The following STAU2 variants were observed in gnomAD, a reference collection of about 807,000 sequenced individuals.
STAU2 encodes staufen double-stranded RNA binding protein 2, also known as double-stranded RNA-binding protein Staufen homolog 2.
In STAU2, 20 loss-of-function variants were observed where a neutral mutation model predicts 65.9. That is an observed-to-expected ratio of 0.30 (90% CI 0.21 to 0.44). STAU2 has a LOEUF of 0.44. Ranked by LOEUF, STAU2 falls within the 20% of genes least tolerant of loss-of-function variation. STAU2 has a pLI of 1.00. For missense variants in STAU2, 558 were observed against 683.9 expected (o/e 0.82, Z 2.05); for synonymous variants, 232 against 233.9 (o/e 0.99, Z 0.07).
chr8:73,620,396 G>A (rs1813139504), intron 6 of STAU2, among the ~76,000 whole-genome samples: 8 of 152,170 alleles, frequency 5.3e-5, no homozygotes, highest in Admixed American at 5.2e-4. Flanking sequence ...AGTAGAGGGA[G>A]TGGGCGCCAC....
At chr8:73,569,786 T>A in intron 12 of STAU2, among the ~76,000 whole-genome samples, 1 of 151,992 alleles carries the variant, frequency 6.6e-6, no homozygotes, top group East Asian at 1.9e-4. Context: ...AGAAAGGACA[T>A]CCACACCAAA....
intron 11 of STAU2, among the ~76,000 whole-genome samples, chr8:73,590,179 G>GGAGGAAAAGGAGAAGAAGAAAAGGTA (rs1810669219): frequency 6.6e-6 from 1 of 151,468 alleles, no homozygotes; most frequent in African/African-American, 2.4e-5. Context: ...AAGAAAAGGT[G>GGAGGAAAAGGAGAAGAAGAAAAGGTA]GAGGAAAAGG....
At chr8:73,624,610 G>A (rs58315427) in intron 6 of STAU2, among the ~76,000 whole-genome samples, 50,420 of 151,988 alleles carry the variant, frequency 0.33, 9,899 homozygotes, top group African/African-American at 0.54. Flanking sequence ...AACCTTCCCA[G>A]GGCCACCCGA....
At chr8:73,724,692 T>TATA (rs201944634) in intron 3 of STAU2, among the ~76,000 whole-genome samples, 8 of 108,980 alleles carry the variant, frequency 7.3e-5, no homozygotes, top group African/African-American at 2.4e-4. Context: ...TATATATATA[T>TATA]TTTTTTTTTT....
At chr8:73,657,826 C>G (rs1051271558) in intron 6 of STAU2, among the ~76,000 whole-genome samples, 2 of 151,634 alleles carry the variant, frequency 1.3e-5, no homozygotes, top group African/African-American at 4.8e-5. Context: ...CCAGCCAGGC[C>G]AAAATAGTGA....
intron 12 of STAU2, among the ~76,000 whole-genome samples, chr8:73,579,573 C>A (rs914740611): frequency 6.6e-5 from 10 of 152,090 alleles, no homozygotes; most frequent in African/African-American, 2.4e-4. Context: ...AATTCATGAT[C>A]TTTTTTTAAA....
chr8:73,556,013 C>A (rs1391271610), intron 12 of STAU2, among the ~76,000 whole-genome samples: 4 of 152,128 alleles, frequency 2.6e-5, no homozygotes, highest in Non-Finnish European at 5.9e-5. Context: ...GAGGACATTA[C>A]TTTCAACATT....
At chr8:73,440,469 A>G (rs1818051762) in intron 13 of STAU2, 1 of 152,226 alleles carries the variant, frequency 6.6e-6, no homozygotes, top group Non-Finnish European at 1.5e-5. Flanking sequence ...AAACCCTAGC[A>G]ATCAGCCTCA....
At position 73,551,705 on chromosome 8, in the gene STAU2, G is replaced by A. The variant is rs558263615; in HGVS notation, c.1530+307C>T. The A allele has an allele frequency of 1.4e-5, 15 of 1,035,166 alleles. No homozygotes were observed. In the South Asian group the frequency reaches 2.3e-4, roughly 16 times the overall value. The allele number at this position is 1,035,166 out of a possible 1,614,324, so 64.1% of individuals were successfully genotyped here. On this transcript the variant is annotated intron_variant, in intron 13 of 14. Coordinates refer to ENST00000524300, the MANE Select transcript of STAU2 (RefSeq NM_001164380.2). ...AATTTTTGTTTGTGGAAGACAGAGC[G>A]AAGAGATAGATGCACCTAATCAAGA...
At chr8:73,611,821 AG>A (rs1812487728) in intron 9 of STAU2, among the ~76,000 whole-genome samples, 1 of 152,070 alleles carries the variant, frequency 6.6e-6, no homozygotes, top group African/African-American at 2.4e-5. Context: ...AGCTGGGATT[AG>A]AGACGCATGC....
intron 13 of STAU2, among the ~76,000 whole-genome samples, chr8:73,501,807 T>C (rs938520998): frequency 6.6e-6 from 1 of 152,084 alleles, no homozygotes; most frequent in African/African-American, 2.4e-5. Flanking sequence ...ATTGCTCTTT[T>C]GGCTCACAAA....
chr8:73,568,556 T>A (rs1049036104), intron 12 of STAU2, among the ~76,000 whole-genome samples: 2 of 151,700 alleles, frequency 1.3e-5, no homozygotes, highest in African/African-American at 4.8e-5. Context: ...TGAGCTATGA[T>A]CATGCCACTG....
intron 13 of STAU2, among the ~76,000 whole-genome samples, chr8:73,548,250 T>C (rs967731048): frequency 4.7e-5 from 7 of 149,812 alleles, no homozygotes; most frequent in African/African-American, 1.7e-4. Context: ...GAATACCTTA[T>C]TCTAAAAAAA....
At chr8:73,450,680 A>G (rs73318770) in intron 13 of STAU2, among the ~76,000 whole-genome samples, 3,779 of 152,346 alleles carry the variant, frequency 0.025, 149 homozygotes, top group African/African-American at 0.087. Flanking sequence ...GAAAACCTGT[A>G]TAATGCTGAT....
At chr8:73,746,862 G>T (rs1202809416), upstream of STAU2, 3 of 1,207,006 alleles carry the variant, frequency 2.5e-6, no homozygotes, top group African/African-American at 1.6e-5. Flanking sequence ...GCCGCCGCCG[G>T]CTTCCACCCC....
intron 13 of STAU2, among the ~76,000 whole-genome samples, chr8:73,436,267 G>C (rs1221230707): frequency 6.6e-6 from 1 of 151,624 alleles, no homozygotes; most frequent in Non-Finnish European, 1.5e-5. Context: ...ATAAAAGATG[G>C]TAAAGGCAGT....
intron 13 of STAU2, among the ~76,000 whole-genome samples, chr8:73,492,593 C>T (rs1399752133): frequency 2.6e-5 from 4 of 151,894 alleles, no homozygotes; most frequent in African/African-American, 9.6e-5. Context: ...CCTCTTAGGA[C>T]CCAATTCCTA....
At chr8:73,593,295 T>G (rs891289110) in intron 11 of STAU2, among the ~76,000 whole-genome samples, 1 of 152,200 alleles carries the variant, frequency 6.6e-6, no homozygotes, top group Non-Finnish European at 1.5e-5. Context: ...CACATTCATG[T>G]TCAAATCTTA....
At chr8:73,618,871 C>G (rs1472223277) in intron 6 of STAU2, among the ~76,000 whole-genome samples, 1 of 152,184 alleles carries the variant, frequency 6.6e-6, no homozygotes, top group East Asian at 1.9e-4. Flanking sequence ...AGAGGGGAGT[C>G]AGGGATGACA....
Sources: allele counts gnomAD v4.1 joint callset (sites outside exome capture counted in the v4.1 genomes callset), GRCh38; gene constraint gnomAD v4.1.1; transcripts MANE v1.5; gene names NCBI Gene and HGNC (gene_info 2026-07-23, HGNC 2026-07-21).